Variants in C1QTNF2 observed in about 807,000 individuals in gnomAD.
The protein encoded by C1QTNF2 is complement C1q tumor necrosis factor-related protein 2.
Under a neutral mutation model 17.4 loss-of-function variants are expected in C1QTNF2, and 15 were observed. The ratio of observed to expected loss-of-function variants is 0.86; its 90% CI spans 0.58 to 1.33. The LOEUF is 1.33. Ranked by LOEUF, C1QTNF2 falls within the 40% of genes most tolerant of loss-of-function variation. The probability of loss-of-function intolerance (pLI) is 0.00; values close to 1 mark genes in which losing one functional copy is unlikely to be tolerated. For synonymous variants in C1QTNF2, 154 were observed against 163.3 expected (o/e 0.94, Z 0.44); for missense variants, 381 against 392.3 (o/e 0.97, Z 0.24).
chr5:160,360,525 T>C (rs1173246792), intron 1 of C1QTNF2, among the ~76,000 whole-genome samples: 1 of 152,202 alleles, frequency 6.6e-6, no homozygotes, highest in African/African-American at 2.4e-5. Context: ...GTTCCCTCTC[T>C]GGCCCCTAGG....
intron 2 of C1QTNF2, among the ~76,000 whole-genome samples, chr5:160,350,274 TA>T (rs1274632846): frequency 1.3e-5 from 2 of 151,944 alleles, no homozygotes; most frequent in African/African-American, 4.8e-5. Flanking sequence ...AGGCAAATGA[TA>T]AAAAACATTA....
At chr5:160,357,548 G>A (rs1052597755) in intron 1 of C1QTNF2, among the ~76,000 whole-genome samples, 8 of 152,192 alleles carry the variant, frequency 5.3e-5, no homozygotes, top group Admixed American at 2.0e-4. Context: ...GGAGAGTCTT[G>A]GAAAACTGGT....
At chr5:160,367,021 C>CAAAAAA (rs71285021) in intron 1 of C1QTNF2, among the ~76,000 whole-genome samples, 6 of 87,296 alleles carry the variant, frequency 6.9e-5, no homozygotes, top group Middle Eastern at 5.6e-3. Context: ...AAGACATTGT[C>CAAAAAA]AAAAAAAAAA....
Position 160,348,100 on chromosome 5 carries a change from C to T in C1QTNF2, c.*1068G>A, listed in dbSNP as rs1359671020. On this transcript the variant is annotated 3_prime_UTR_variant, in exon 3 of 3. Transcript: ENST00000652664. ...TGCAGCTTCTTAAGCCCCCAGATCCCTGCATACTGGCAACACCTGTGCTTG... is the reference window on the plus strand; with the variant it reads ...TGCAGCTTCTTAAGCCCCCAGATCCTTGCATACTGGCAACACCTGTGCTTG... 1 of 152,238 alleles carries T rather than the reference C, an allele frequency of 6.6e-6. No individual in the cohort carries two copies. The highest frequency in any genetic ancestry group is 6.5e-5 in the Admixed American group (1 of 15,276). The allele number at this position is 152,238 out of a possible 1,614,324, so 9.4% of individuals were successfully genotyped here.
At chr5:160,354,597 A>AAATAT (rs769774870) in intron 2 of C1QTNF2, among the ~76,000 whole-genome samples, 171 bp downstream of exon 2, 13 of 89,284 alleles carry the variant, frequency 1.5e-4, no homozygotes, top group Non-Finnish European at 2.5e-4. Context: ...AAAAAAAAAA[A>AAATAT]GTATATATAT....
chr5:160,366,778 C>A (rs921249506), intron 1 of C1QTNF2, among the ~76,000 whole-genome samples: 1 of 152,096 alleles, frequency 6.6e-6, no homozygotes, highest in Non-Finnish European at 1.5e-5. Flanking sequence ...AATCCCAGCA[C>A]TTTTGGAGGC....
intron 1 of C1QTNF2, among the ~76,000 whole-genome samples, chr5:160,365,942 G>A (rs1298731304): frequency 7.4e-6 from 1 of 135,650 alleles, no homozygotes; most frequent in Non-Finnish European, 1.7e-5. Flanking sequence ...TTCAGCAGGT[G>A]AGCTTTTTTA....
chr5:160,359,643 CA>C (rs1764115676), intron 1 of C1QTNF2, among the ~76,000 whole-genome samples: 1 of 152,158 alleles, frequency 6.6e-6, no homozygotes, highest in Non-Finnish European at 1.5e-5. Flanking sequence ...AATGCTTGAG[CA>C]AAACCTCCTG....
chr5:160,361,309 T>C (rs1368681223), intron 1 of C1QTNF2, among the ~76,000 whole-genome samples: 1 of 152,194 alleles, frequency 6.6e-6, no homozygotes, highest in Non-Finnish European at 1.5e-5. Flanking sequence ...CAGACTGTGA[T>C]GTGAGAGGTG....
chr5:160,365,442 T>A (rs940449167), intron 1 of C1QTNF2, among the ~76,000 whole-genome samples: 5 of 152,216 alleles, frequency 3.3e-5, no homozygotes, highest in Non-Finnish European at 7.4e-5. Flanking sequence ...CCGGGCACAA[T>A]GTCTCACATC....
At chr5:160,367,712 C>T (rs867418708) in intron 1 of C1QTNF2, among the ~76,000 whole-genome samples, 5 of 152,086 alleles carry the variant, frequency 3.3e-5, no homozygotes, top group East Asian at 1.9e-4. Flanking sequence ...GGTGTTGTCA[C>T]GGTGCCCCAC....
chr5:160,354,118 T>C (rs1763980479), intron 2 of C1QTNF2, among the ~76,000 whole-genome samples: 1 of 152,154 alleles, frequency 6.6e-6, no homozygotes, highest in Non-Finnish European at 1.5e-5. Flanking sequence ...GTCTCAGTTT[T>C]ATGGGCTAAT....
chr5:160,364,129 TTAA>T (rs1764205270), intron 1 of C1QTNF2, among the ~76,000 whole-genome samples: 1 of 152,238 alleles, frequency 6.6e-6, no homozygotes, highest in Non-Finnish European at 1.5e-5. Context: ...ATAAAAATTA[TTAA>T]TGAGACATTT....
chr5:160,355,976 G>A (rs7710831), intron 1 of C1QTNF2, among the ~76,000 whole-genome samples: 61,426 of 152,086 alleles, frequency 0.4, 13,407 homozygotes, highest in Non-Finnish European at 0.49. Context: ...TCCAGATCCA[G>A]AGCCTGTGCC....
chr5:160,357,900 C>T (rs541212218), intron 1 of C1QTNF2, among the ~76,000 whole-genome samples: 17 of 152,210 alleles, frequency 1.1e-4, no homozygotes, highest in East Asian at 1.9e-4. Flanking sequence ...GCCAGCCGGA[C>T]GAGAGAGAGG....
At chr5:160,363,813 G>A (rs1764198145) in intron 1 of C1QTNF2, among the ~76,000 whole-genome samples, 1 of 152,176 alleles carries the variant, frequency 6.6e-6, no homozygotes, top group Non-Finnish European at 1.5e-5. Flanking sequence ...TTTCTGCCAC[G>A]TGGAGACCAA....
intron 1 of C1QTNF2, among the ~76,000 whole-genome samples, chr5:160,364,198 C>T (rs1009273722): frequency 4.6e-5 from 7 of 152,202 alleles, no homozygotes; most frequent in Admixed American, 4.6e-4. Context: ...TTCACACTTG[C>T]AGCGGATCTC....
In C1QTNF2 at chr5:160,349,577, G is replaced by A. The variant is rs750395789; in HGVS notation, c.449C>T (p.Ser150Leu). The A allele has an allele frequency of 6.2e-7, 1 of 1,613,750 alleles. No individual in the cohort carries two copies. Among genetic ancestry groups the A allele is most frequent in the South Asian group, 1.1e-5 (1 of 91,078 alleles). Residue 150 changes from serine to leucine, a missense_variant, in exon 3 of 3, where the codon TCA becomes TTA. Transcript: ENST00000652664. This position sits in a 1 kb window ranked among gnomAD's most constrained non-coding sequence, Gnocchi z 4.3. The stretch of plus-strand genomic sequence containing the variant: ...CTTGGTCACTGCCACCGAGAAAGCT[G>A]ACTTGGTATGGCCACTGCCACAGCT... Reference protein sequence around the residue: ...PCSCGSGHTKSAFSVAVTKSY... With the variant: ...PCSCGSGHTKLAFSVAVTKSY...
intron 1 of C1QTNF2, among the ~76,000 whole-genome samples, chr5:160,359,394 G>A (rs1241669421): frequency 6.6e-6 from 1 of 152,136 alleles, no homozygotes; most frequent in African/African-American, 2.4e-5. Flanking sequence ...ATTTGAACTT[G>A]GGTTTGGCTG....
Sources: gnomAD v4.1 joint callset for allele counts (sites outside exome capture counted in the v4.1 genomes callset) on GRCh38, gnomAD v4.1.1 for gene constraint, Gnocchi (gnomAD v3.1) non-coding constraint, MANE v1.5 for transcripts, NCBI Gene and HGNC (gene_info 2026-07-23, HGNC 2026-07-21) for gene names.